Variants in PCCB observed in about 807,000 individuals in gnomAD.
PCCB encodes the protein propionyl-CoA carboxylase beta chain, mitochondrial.
PCCB carries 43 observed loss-of-function variants against 60.7 expected under a neutral mutation model. The observed-to-expected ratio is 0.71, with a 90% CI of 0.55 to 0.91. The LOEUF is 0.91. Ranked by LOEUF, PCCB falls within the 40% of genes least tolerant of loss-of-function variation. The pLI, the probability that PCCB is intolerant of heterozygous loss-of-function variation, is 0.00. For synonymous variants in PCCB, 276 were observed against 255.9 expected, an observed-to-expected ratio of 1.08 and a Z score of -0.75; for missense variants, 766 against 702.8, an observed-to-expected ratio of 1.09 and a Z score of -1.02.
chr3:136,327,590 T>C (rs377610858), intron 12 of PCCB, 44 bp from the exon 13 acceptor site: 6 of 1,427,224 alleles, frequency 4.2e-6, no homozygotes, highest in Non-Finnish European at 5.9e-6. Context: ...GGACATGATC[T>C]GGCTGTCTCA....
intron 14 of PCCB, 124 bp downstream of exon 14, chr3:136,328,981 T>C (rs1016960175): frequency 1.3e-6 from 1 of 778,914 alleles, no homozygotes; most frequent in East Asian, 2.7e-5. Context: ...CTAGTGAGGG[T>C]TGGGACTGTC....
chr3:136,268,087 GATAT>G (rs61160895), intron 5 of PCCB, among the ~76,000 whole-genome samples: 1,666 of 93,680 alleles, frequency 0.018, 37 homozygotes, highest in African/African-American at 0.043. Context: ...TGTGTGTGTA[GATAT>G]ATATATATAT....
intron 5 of PCCB, among the ~76,000 whole-genome samples, chr3:136,281,623 A>C (rs891132141): frequency 3.3e-5 from 5 of 151,960 alleles, no homozygotes; most frequent in Admixed American, 6.6e-5. Context: ...GTTTCTTCAG[A>C]GATGATTTTT....
intron 4 of PCCB, 27 bp from the exon 5 acceptor site, chr3:136,261,925 C>T: frequency 1.4e-6 from 2 of 1,398,176 alleles, no homozygotes; most frequent in Non-Finnish European, 2.0e-6. Flanking sequence ...ACATTTGTCT[C>T]AATAAAAGAT....
intron 10 of PCCB, 148 bp downstream of exon 10, chr3:136,317,212 ATTTTTTTT>A (rs397694948): frequency 0.051 from 13,156 of 256,300 alleles, 14 homozygotes; most frequent in Middle Eastern, 0.071. Context: ...ATAAAAGCTA[ATTTTTTTT>A]TTTTTTTTTT....
chr3:136,261,991 G>T lies in PCCB; in HGVS notation c.469G>T (p.Gly157Trp). 1.3e-6 allele frequency: 2 copies of T among 1,562,144 alleles called. No individual in the cohort carries two copies. Among genetic ancestry groups the T allele is most frequent in the Non-Finnish European group, 1.7e-6 (2 of 1,152,028 alleles). ...QAITVGAPVI[G>W]LNDSGGARIQ... ...CATAACGGTGGGGGCTCCAGTGATT[G>T]GGCTGAATGACTCTGGGGGAGCACG... is the stretch of plus-strand genomic sequence containing the variant. The change falls in exon 5 of 15, where the codon GGG (glycine) becomes TGG (tryptophan). Residue 157 changes from glycine to tryptophan, a missense_variant. Physicochemically the swap from Gly to Trp is radical, Grantham distance 184 (BLOSUM62 -2). Transcript: ENST00000251654.
intron 9 of PCCB, among the ~76,000 whole-genome samples, chr3:136,313,813 G>T (rs187404305): frequency 5.9e-5 from 9 of 152,132 alleles, no homozygotes; most frequent in Non-Finnish European, 8.8e-5. Context: ...AGCTAAGTTA[G>T]CAGTTCTGAA....
chr3:136,265,878 T>C (rs1477161902), intron 5 of PCCB, among the ~76,000 whole-genome samples: 1 of 151,310 alleles, frequency 6.6e-6, no homozygotes, highest in Non-Finnish European at 1.5e-5. Context: ...CAGGCTGGAG[T>C]GCAGTGGTGC....
At position 136,255,824 on chromosome 3, in the gene PCCB, G is replaced by A. The variant is rs760039947; in HGVS notation, c.184-32G>A. On this transcript the variant is annotated intron_variant, in intron 1 of 14. Coordinates refer to ENST00000251654, the MANE Select transcript of PCCB (RefSeq NM_000532.5). ...CTTTGCTTACTAAATTGTCTGTGAT[G>A]ACATCACTGAGTGATCTTTGTTCCA... 120 of 1,597,584 alleles carry A rather than the reference G, an allele frequency of 7.5e-5. 2 individuals carry two copies. The South Asian group carries it at 1.3e-3, about 17-fold the overall frequency.
At chr3:136,284,047 A>G (rs966293260) in intron 6 of PCCB, 100 bp downstream of exon 6, 5 of 783,000 alleles carry the variant, frequency 6.4e-6, no homozygotes, top group Non-Finnish European at 1.1e-5. Flanking sequence ...TGTTACCTGC[A>G]TTCTCATTGG....
chr3:136,296,580 A>C (rs1933950790), intron 7 of PCCB, among the ~76,000 whole-genome samples: 1 of 152,134 alleles, frequency 6.6e-6, no homozygotes, highest in African/African-American at 2.4e-5. Flanking sequence ...ATTTATATGC[A>C]AGTTTTTGGG....
chr3:136,286,653 G>A (rs1281809931), intron 6 of PCCB, among the ~76,000 whole-genome samples: 2 of 152,028 alleles, frequency 1.3e-5, no homozygotes, highest in Admixed American at 6.6e-5. Context: ...TTCTTAGCAC[G>A]ACTACTTACT....
At chr3:136,301,704 A>G (rs1934290061) in intron 9 of PCCB, among the ~76,000 whole-genome samples, 16 of 152,114 alleles carry the variant, frequency 1.1e-4, no homozygotes, top group Admixed American at 9.2e-4. Flanking sequence ...ACACATCGTG[A>G]TGGCTCTCTG....
In PCCB at chr3:136,278,844, C is replaced by T. The variant is rs370358490; in HGVS notation, c.544-4993C>T. Among the ~76,000 whole-genome samples the T allele has an allele frequency of 3.6e-4, 55 of 152,166 alleles. No homozygotes were observed. In the East Asian group the frequency reaches 7.0e-3, roughly 19 times the overall value. ...TTGTTCAAGTGTACTGTTAACTTAC[C>T]GATCTTCTGTCTAGTTGTTCTGTCT... On this transcript the variant is annotated intron_variant, in intron 5 of 14. Coordinates refer to ENST00000251654, the MANE Select transcript of PCCB (RefSeq NM_000532.5).
intron 9 of PCCB, among the ~76,000 whole-genome samples, chr3:136,302,158 A>T (rs935193145): frequency 3.3e-5 from 5 of 152,096 alleles, no homozygotes; most frequent in African/African-American, 1.2e-4. Flanking sequence ...GGGTCCTTTT[A>T]TGCCCACCCC....
intron 6 of PCCB, among the ~76,000 whole-genome samples, chr3:136,290,883 GTT>G (rs1933656504): frequency 6.6e-6 from 1 of 150,962 alleles, no homozygotes; most frequent in Admixed American, 6.6e-5. Context: ...CTCCAGTTTT[GTT>G]TTGTTTTTTT....
chr3:136,319,077 A>T (rs943136632), intron 10 of PCCB, among the ~76,000 whole-genome samples: 10 of 152,192 alleles, frequency 6.6e-5, no homozygotes, highest in African/African-American at 2.2e-4. Flanking sequence ...GCCAACACTT[A>T]TTATTAATTT....
intron 5 of PCCB, 103 bp from the exon 6 acceptor site, chr3:136,283,734 T>TG (rs1232853043): frequency 2.5e-5 from 20 of 798,214 alleles, no homozygotes; most frequent in Middle Eastern, 2.9e-4. Flanking sequence ...AGAATTTCTG[T>TG]GGGAAAAAAG....
intron 9 of PCCB, among the ~76,000 whole-genome samples, chr3:136,314,839 G>A (rs900578641): frequency 1.3e-5 from 2 of 152,100 alleles, no homozygotes; most frequent in African/African-American, 2.4e-5. Flanking sequence ...TAGTCTCAAC[G>A]TATTTCCTCA....
Sources: allele counts gnomAD v4.1 joint callset (sites outside exome capture counted in the v4.1 genomes callset), GRCh38; gene constraint gnomAD v4.1.1; transcripts MANE v1.5; gene names NCBI Gene and HGNC (gene_info 2026-07-23, HGNC 2026-07-21).